NKAIN2: variants seen among roughly 807,000 people sequenced by gnomAD.
NKAIN2 encodes the protein sodium/potassium transporting ATPase interacting 2, also known as sodium/potassium-transporting ATPase subunit beta-1-interacting protein 2.
NKAIN2 carries 14 observed loss-of-function variants against 32.6 expected under a neutral mutation model. That is an observed-to-expected ratio of 0.43 (90% CI 0.28 to 0.67). The LOEUF is 0.67. Among genes scored for constraint, NKAIN2 ranks in the 30% least tolerant of loss-of-function variants. The pLI is 0.17. For synonymous variants in NKAIN2, 80 were observed against 87.2 expected (o/e 0.92, Z 0.46); for missense variants, 198 against 258.3 (o/e 0.77, Z 1.60).
At chr6:123,950,083 C>A (rs116491598) in intron 1 of NKAIN2, among the ~76,000 whole-genome samples, 1,820 of 151,976 alleles carry the variant, frequency 0.012, 32 homozygotes, top group African/African-American at 0.042. Flanking sequence ...TGATGTGATG[C>A]ATCATGTTGA....
intron 1 of NKAIN2, among the ~76,000 whole-genome samples, chr6:124,280,018 C>G: frequency 6.6e-6 from 1 of 151,942 alleles, no homozygotes; most frequent in East Asian, 1.9e-4. Flanking sequence ...ACACAAGGAA[C>G]CAAAATTTAT....
intron 1 of NKAIN2, among the ~76,000 whole-genome samples, chr6:123,880,927 A>G (rs1773424457): frequency 6.6e-6 from 1 of 152,228 alleles, no homozygotes; most frequent in South Asian, 2.1e-4. Flanking sequence ...GTGTGAATGA[A>G]AAGAATTAGC....
chr6:124,363,462 A>T (rs1361356914), intron 3 of NKAIN2, among the ~76,000 whole-genome samples: 1 of 152,122 alleles, frequency 6.6e-6, no homozygotes, highest in Non-Finnish European at 1.5e-5. Context: ...GCTTTGAGGG[A>T]GGTGGTCTAG....
chr6:124,815,192 G>T (rs1781087223), intron 5 of NKAIN2, among the ~76,000 whole-genome samples: 1 of 138,120 alleles, frequency 7.2e-6, no homozygotes, highest in South Asian at 2.4e-4. Context: ...GACACTATCT[G>T]CAAAAAATCC....
intron 1 of NKAIN2, among the ~76,000 whole-genome samples, chr6:123,960,314 G>A (rs903192564): frequency 1.3e-5 from 2 of 152,080 alleles, no homozygotes; most frequent in South Asian, 4.1e-4. Context: ...TTGCATTTGT[G>A]CCCAGTAAGC....
intron 1 of NKAIN2, among the ~76,000 whole-genome samples, chr6:124,206,616 C>T (rs1790900126): frequency 1.3e-5 from 2 of 151,888 alleles, no homozygotes; most frequent in Admixed American, 1.3e-4. Context: ...TCATCATCCA[C>T]AGTATCAGAA....
intron 2 of NKAIN2, among the ~76,000 whole-genome samples, chr6:124,302,435 C>G (rs1398609246): frequency 1.3e-5 from 2 of 152,096 alleles, no homozygotes; most frequent in African/African-American, 4.8e-5. Context: ...ACAATAAAGA[C>G]TTTCTTGTTA....
chr6:124,482,136 G>A (rs1056948701), intron 3 of NKAIN2, among the ~76,000 whole-genome samples: 2 of 152,092 alleles, frequency 1.3e-5, no homozygotes, highest in Non-Finnish European at 2.9e-5. Flanking sequence ...AATTAAACTG[G>A]CTGAGTTACA....
intron 3 of NKAIN2, among the ~76,000 whole-genome samples, chr6:124,412,870 A>G (rs1051737015): frequency 6.6e-6 from 1 of 152,142 alleles, no homozygotes; most frequent in Non-Finnish European, 1.5e-5. Flanking sequence ...AGCCTGGGCA[A>G]TGGCGGGCGC....
intron 3 of NKAIN2, among the ~76,000 whole-genome samples, chr6:124,498,932 G>T (rs1465827677): frequency 6.6e-6 from 1 of 151,942 alleles, no homozygotes; most frequent in Non-Finnish European, 1.5e-5. Context: ...TTGTTGTTTT[G>T]TTTTGTTTTG....
intron 3 of NKAIN2, among the ~76,000 whole-genome samples, chr6:124,482,247 A>G (rs1029778811): frequency 6.6e-6 from 1 of 152,166 alleles, no homozygotes; most frequent in Non-Finnish European, 1.5e-5. Flanking sequence ...TGTGAGCCTA[A>G]TTGAAACTGA....
At chr6:124,622,637 G>T (rs1783150154) in intron 3 of NKAIN2, among the ~76,000 whole-genome samples, 1 of 152,196 alleles carries the variant, frequency 6.6e-6, no homozygotes, top group African/African-American at 2.4e-5. Context: ...CTTAAAGGAT[G>T]AATGCGAGAT....
chr6:124,681,696 G>A (rs1773627078), intron 4 of NKAIN2, among the ~76,000 whole-genome samples: 1 of 152,016 alleles, frequency 6.6e-6, no homozygotes, highest in South Asian at 2.1e-4. Context: ...GAAGATTGGA[G>A]ATTGAGACAT....
rs190984148 is a variant in NKAIN2, at chr6:124,300,548, G to A, written c.192+17406G>A. On this transcript the variant is annotated intron_variant, in intron 2 of 6. Coordinates refer to ENST00000368417, the MANE Select transcript of NKAIN2 (RefSeq NM_001040214.3). ...GGAAGTGACTTTGGAACAGGGTAAC[G>A]GGCAGAGTTTGGAACAGTTCAGAAG... Among the ~76,000 whole-genome samples, 96 of 152,294 alleles carry A rather than the reference G, an allele frequency of 6.3e-4. No individual in the cohort carries two copies. The Middle Eastern group carries it at 0.01, about 16-fold the overall frequency.
At chr6:123,845,338 A>G (rs1775043772) in intron 1 of NKAIN2, among the ~76,000 whole-genome samples, 2 of 152,230 alleles carry the variant, frequency 1.3e-5, no homozygotes, top group African/African-American at 2.4e-5. Context: ...ATAAAATGTA[A>G]TAACTTTCAA....
chr6:124,384,225 G>T (rs2114385881), intron 3 of NKAIN2, among the ~76,000 whole-genome samples: 1 of 152,194 alleles, frequency 6.6e-6, no homozygotes, highest in Admixed American at 6.5e-5. Context: ...TAATGAACTT[G>T]GTAACCTTGT....
At chr6:124,516,455 T>C (rs2785713) in intron 3 of NKAIN2, among the ~76,000 whole-genome samples, 69,859 of 151,992 alleles carry the variant, frequency 0.46, 17,995 homozygotes, top group South Asian at 0.59. Flanking sequence ...TACTTTCATC[T>C]TTCAGCCTGT....
chr6:123,986,274 T>C (rs893552677), intron 1 of NKAIN2, among the ~76,000 whole-genome samples: 1 of 152,186 alleles, frequency 6.6e-6, no homozygotes, highest in Admixed American at 6.5e-5. Flanking sequence ...TTCTTTTATA[T>C]AGGCTATTTA....
chr6:123,895,842 C>T (rs184893490), intron 1 of NKAIN2, among the ~76,000 whole-genome samples: 1 of 152,264 alleles, frequency 6.6e-6, no homozygotes, highest in Admixed American at 6.5e-5. Flanking sequence ...ACATTGGACT[C>T]GAGAGGTTGA....
Sources: gnomAD v4.1 joint callset for allele counts (sites outside exome capture counted in the v4.1 genomes callset) on GRCh38, gnomAD v4.1.1 for gene constraint, MANE v1.5 for transcripts, NCBI Gene and HGNC (gene_info 2026-07-23, HGNC 2026-07-21) for gene names.